PLEKHD1: variants seen among roughly 807,000 people sequenced by gnomAD.
The protein encoded by PLEKHD1 is pleckstrin homology domain-containing family D member 1.
In PLEKHD1, 51 loss-of-function variants were observed where a neutral mutation model predicts 69.2. The observed-to-expected ratio is 0.74, with a 90% CI of 0.59 to 0.93. The LOEUF (loss-of-function observed/expected upper bound fraction) is 0.93. Ranked by LOEUF, PLEKHD1 falls within the 40% of genes least tolerant of loss-of-function variation. PLEKHD1 has a pLI of 0.00. For missense variants in PLEKHD1, 584 were observed against 641.0 expected (o/e 0.91, Z 0.96); for synonymous variants, 236 against 244.7 (o/e 0.96, Z 0.33).
At chr14:69,481,887 A>C (rs147222801), upstream of PLEKHD1, among the ~76,000 whole-genome samples, 1 of 152,312 alleles carries the variant, frequency 6.6e-6, no homozygotes, top group Non-Finnish European at 1.5e-5. Context: ...GGTCTAGCGC[A>C]CAGGATTGGC....
rs1484427105 is a variant in PLEKHD1 at position 69,527,838 on chromosome 14, C to T, written c.1257C>T (p.Ile419=). 1 of 1,551,546 alleles carries T rather than the reference C, an allele frequency of 6.4e-7. No homozygotes were observed. The stretch of plus-strand genomic sequence containing the variant: ...AGCTGGAGGCCAAGATGCCTGTGAT[C>T]ATGAAGAACTCCGTGTACATCCATA... ...NAELEAKMPV[I]MKNSVYIHKA... is the part of the protein sequence containing the mutation. Residue 419 remains isoleucine (I), a synonymous_variant, in exon 12 of 13, where the codon ATC becomes ATT. Transcript: ENST00000322564.
At chr14:69,498,704 G>A (rs1294720121) in intron 1 of PLEKHD1, among the ~76,000 whole-genome samples, 4 of 148,978 alleles carry the variant, frequency 2.7e-5, no homozygotes, top group African/African-American at 9.8e-5. Context: ...CTGGAGTGCA[G>A]TGGCGTGATC....
At chr14:69,515,299 G>A (rs1883360189) in intron 6 of PLEKHD1, among the ~76,000 whole-genome samples, 2 of 152,136 alleles carry the variant, frequency 1.3e-5, no homozygotes. Flanking sequence ...AGAGCTCCTG[G>A]AGTTATAACT....
Position 69,526,770 on chromosome 14 carries a change from C to A in PLEKHD1, c.997C>A (p.Leu333Met). Residue 333 changes from leucine (L) to methionine (M), a missense_variant, in exon 10 of 13, where the codon CTG (leucine) becomes ATG (methionine). Leu to Met is a conservative substitution (Grantham distance 15, BLOSUM62 2). Transcript: ENST00000322564. Reference sequence around the variant, plus strand: ...GTTCTACTCCAGCCAGTCCCAGGCACTGCAGAACTCGCTGCAGGAGCTGAC... The same window carrying A: ...GTTCTACTCCAGCCAGTCCCAGGCAATGCAGAACTCGCTGCAGGAGCTGAC... Reference protein sequence around the residue: ...REFYSSQSQALQNSLQELTAE... With the variant: ...REFYSSQSQAMQNSLQELTAE... 6.4e-7 allele frequency: 1 copy of A among 1,550,672 alleles called. No individual in the cohort carries two copies. The highest frequency in any genetic ancestry group is 1.4e-5 in the African/African-American group (1 of 73,158).
intron 7 of PLEKHD1, among the ~76,000 whole-genome samples, chr14:69,523,080 G>A (rs1409755220): frequency 3.9e-5 from 6 of 152,082 alleles, no homozygotes; most frequent in African/African-American, 1.2e-4. Flanking sequence ...TTACAGACAT[G>A]TGCCACCATG....
chr14:69,483,210 G>A (rs533382970), upstream of PLEKHD1, among the ~76,000 whole-genome samples: 1 of 152,194 alleles, frequency 6.6e-6, no homozygotes, highest in East Asian at 1.9e-4. Context: ...GCAACAAGGG[G>A]ATGCTGTCTG....
At chr14:69,526,214 G>A (rs1883645126) in intron 9 of PLEKHD1, 92 bp downstream of exon 9, 1 of 1,347,526 alleles carries the variant, frequency 7.4e-7, no homozygotes, top group Admixed American at 2.8e-5. Flanking sequence ...GTTCTACTTG[G>A]CACTGACCAA....
In PLEKHD1 at chr14:69,485,109, CCG is replaced by C; in HGVS notation, c.145_146del (p.Arg49AlafsTer15). 1 of 1,549,774 alleles carries C rather than the reference CCG, an allele frequency of 6.5e-7. No individual in the cohort carries two copies. Among genetic ancestry groups the C allele is most frequent in the Non-Finnish European group, 8.7e-7 (1 of 1,146,202 alleles). ...TCGGCAGGCCGTCGGCCAAGTGGTCCCGGCGGTGAGTGCGCCCCCGCGCCCCA... is the reference window on the plus strand; with the variant it reads ...TCGGCAGGCCGTCGGCCAAGTGGTCCGCGGTGAGTGCGCCCCCGCGCCCCA... ...PFGRPSAKWSRRFFIIKESFL... is the reference protein window; with the variant it reads ...PFGRPSAKWSXRFFIIKESFL... On this transcript the variant is annotated frameshift_variant, in exon 1 of 13. Transcript: ENST00000322564. LOFTEE classifies it high-confidence loss of function.
the PLEKHD1 span, among the ~76,000 whole-genome samples, chr14:69,468,673 T>G: frequency 6.6e-6 from 1 of 152,140 alleles, no homozygotes; most frequent in African/African-American, 2.4e-5. Flanking sequence ...CTCAAACTCC[T>G]GAGCTCCAGC....
chr14:69,526,868 C>T (rs1883663132), intron 10 of PLEKHD1, 39 bp downstream of exon 10: 5 of 1,490,844 alleles, frequency 3.4e-6, no homozygotes, highest in Non-Finnish European at 4.5e-6. Context: ...CCTTCCCCTT[C>T]CCTGGAGACT....
At chr14:69,508,962 A>G (rs1364463714) in intron 6 of PLEKHD1, among the ~76,000 whole-genome samples, 1 of 152,164 alleles carries the variant, frequency 6.6e-6, no homozygotes, top group Non-Finnish European at 1.5e-5. Context: ...TTCATGATAA[A>G]CAGTTTGCTG....
chr14:69,489,448 A>G (rs891268132), intron 1 of PLEKHD1, among the ~76,000 whole-genome samples: 1 of 148,976 alleles, frequency 6.7e-6, no homozygotes, highest in African/African-American at 2.5e-5. Context: ...AATCCCAGCT[A>G]CTCAGGAGGT....
intron 6 of PLEKHD1, among the ~76,000 whole-genome samples, chr14:69,518,018 ATTTATTTATTTATTTGTTTG>A (rs1174793907): frequency 1.7e-5 from 1 of 59,588 alleles, no homozygotes; most frequent in African/African-American, 3.9e-5. Context: ...TTATTTATTT[ATTTATTTATTTATTTGTTTG>A]TTTGTTTGTT....
At chr14:69,524,630 A>T (rs1883599542) in intron 8 of PLEKHD1, among the ~76,000 whole-genome samples, 1 of 152,186 alleles carries the variant, frequency 6.6e-6, no homozygotes, top group Non-Finnish European at 1.5e-5. Flanking sequence ...AGGATTGGTT[A>T]AGGTGGGCAG....
chr14:69,475,939 C>G, the PLEKHD1 span, among the ~76,000 whole-genome samples: 1 of 152,132 alleles, frequency 6.6e-6, no homozygotes, highest in African/African-American at 2.4e-5. Flanking sequence ...ATAATTCAAC[C>G]AAGGGGAGGA....
chr14:69,513,151 G>A (rs1396402085), intron 6 of PLEKHD1, among the ~76,000 whole-genome samples: 3 of 151,658 alleles, frequency 2.0e-5, no homozygotes, highest in Non-Finnish European at 2.9e-5. Context: ...CCCAGGAGGC[G>A]GAAGTTGCAG....
At chr14:69,470,764 GTCTT>G in the PLEKHD1 span, among the ~76,000 whole-genome samples, 1 of 151,916 alleles carries the variant, frequency 6.6e-6, no homozygotes, top group Non-Finnish European at 1.5e-5. Flanking sequence ...CTTCTTTCTT[GTCTT>G]TCTTTTTTTT....
intron 1 of PLEKHD1, among the ~76,000 whole-genome samples, chr14:69,495,362 A>T (rs1212346292): frequency 6.6e-6 from 1 of 152,140 alleles, no homozygotes; most frequent in Non-Finnish European, 1.5e-5. Context: ...GACTTTTGCA[A>T]TGTAAGCCAG....
At chr14:69,517,395 G>A (rs1883408816) in intron 6 of PLEKHD1, among the ~76,000 whole-genome samples, 1 of 151,946 alleles carries the variant, frequency 6.6e-6, no homozygotes, top group Non-Finnish European at 1.5e-5. Flanking sequence ...AGAGGATGGA[G>A]CTCAACCAAG....
Sources: gnomAD v4.1 joint callset for allele counts (sites outside exome capture counted in the v4.1 genomes callset) on GRCh38, gnomAD v4.1.1 for gene constraint, MANE v1.5 for transcripts, NCBI Gene and HGNC (gene_info 2026-07-23, HGNC 2026-07-21) for gene names.